ADCY5: variants seen among roughly 807,000 people sequenced by gnomAD.
The protein encoded by ADCY5 is adenylate cyclase type 5.
A neutral mutation model predicts 119.7 loss-of-function variants in ADCY5; 30 were observed. That is an observed-to-expected ratio of 0.25 (90% CI 0.19 to 0.34). ADCY5 has a LOEUF of 0.34. Among genes scored for constraint, ADCY5 ranks in the 10% least tolerant of loss-of-function variants. ADCY5 has a pLI of 1.00. For synonymous variants in ADCY5, 753 were observed against 762.2 expected (o/e 0.99, Z 0.20); for missense variants, 1,324 against 1,775.2 (o/e 0.75, Z 4.57).
intron 3 of ADCY5, among the ~76,000 whole-genome samples, chr3:123,346,607 T>TTC (rs72299981): frequency 0.019 from 2,449 of 128,098 alleles, 66 homozygotes; most frequent in East Asian, 0.13. Context: ...CAGCCTCACC[T>TTC]TCTCTCTCTC....
In ADCY5 at chr3:123,296,125, C is replaced by T; in HGVS notation, c.3022G>A (p.Val1008Met). ...VLALYLHAQQ[V>M]ESTARLDFLW... ...AAGTCGAGGCGGGCAGTGGACTCCA[C>T]CTGCTGGGCGTGCAGGTACAGGGCC... is the stretch of plus-strand genomic sequence containing the variant. The change falls in exon 17 of 21, where the codon GTG becomes ATG. Residue 1008 changes from valine to methionine, a missense_variant. Val to Met is a conservative substitution (Grantham distance 21). This residue lies in a region of ADCY5 where 14 missense variants were observed against 24.4 expected (regional missense o/e 0.57). Transcript: ENST00000462833. The T allele has an allele frequency of 6.2e-7, 1 of 1,614,106 alleles. No individual in the cohort carries two copies. Among genetic ancestry groups the T allele is most frequent in the Non-Finnish European group, 8.5e-7 (1 of 1,179,992 alleles).
chr3:123,426,444 C>T (rs1945415826), intron 1 of ADCY5, among the ~76,000 whole-genome samples: 1 of 152,028 alleles, frequency 6.6e-6, no homozygotes, highest in Non-Finnish European at 1.5e-5. Context: ...CTGCCTCAAC[C>T]TCCCGAGTAG....
chr3:123,393,557 T>TA lies in ADCY5; in HGVS notation c.1135-40977dup, dbSNP rs1214570795. 2.6e-5 allele frequency among the ~76,000 whole-genome samples: 3 copies of TA among 113,420 alleles called. No individual in the cohort carries two copies. The Admixed American group carries it at 2.7e-4, about 10-fold the overall frequency. The allele number at this position is 113,420 out of a possible 152,430, so 74.4% of individuals were successfully genotyped here. On this transcript the variant is annotated intron_variant, in intron 1 of 20. Transcript: ENST00000462833. ...GGGCAACAGAGTGAGACCCTGTTTC[T>TA]AAAAAATTAAAATAAAATAAAATAA...
At position 123,336,014 on chromosome 3, in the gene ADCY5, G is replaced by T. The variant is rs1483967052; in HGVS notation, c.1407-3339C>A. Among the ~76,000 whole-genome samples, 10 of 152,368 alleles carry T rather than the reference G, an allele frequency of 6.6e-5. No individual in the cohort carries two copies. In the East Asian group the frequency reaches 1.4e-3, roughly 21 times the overall value. On this transcript the variant is annotated intron_variant, in intron 3 of 20. Coordinates refer to ENST00000462833, the MANE Select transcript of ADCY5 (RefSeq NM_183357.3). Reference sequence around the variant, plus strand: ...CAGGCCCTATCCTGCCAGGCCAGGGGACTCAGGACAGCAGAGAGCTGCTCC... The same window carrying T: ...CAGGCCCTATCCTGCCAGGCCAGGGTACTCAGGACAGCAGAGAGCTGCTCC...
chr3:123,331,143 C>G, intron 4 of ADCY5, 127 bp from the exon 5 acceptor site: 1 of 1,023,822 alleles, frequency 9.8e-7, no homozygotes, highest in African/African-American at 1.6e-5. Context: ...TGAGCGCAGG[C>G]CCACGCCGGA....
intron 1 of ADCY5, among the ~76,000 whole-genome samples, chr3:123,381,937 T>C (rs759120927): frequency 1.3e-5 from 2 of 152,156 alleles, no homozygotes; most frequent in African/African-American, 2.4e-5. Context: ...AGCTCCCTTC[T>C]CACTCAAGGG....
At chr3:123,371,137 T>C (rs571670763) in intron 1 of ADCY5, among the ~76,000 whole-genome samples, 1 of 152,276 alleles carries the variant, frequency 6.6e-6, no homozygotes, top group South Asian at 2.1e-4. Context: ...AGCTCTGCAG[T>C]ATCTCAAGAA....
chr3:123,407,589 T>TAAAAA (rs35895488), intron 1 of ADCY5, among the ~76,000 whole-genome samples: 2 of 94,154 alleles, frequency 2.1e-5, no homozygotes, highest in South Asian at 4.4e-4. Context: ...CTATCTCTAC[T>TAAAAA]AAAAAAAAAA....
At chr3:123,329,007 C>G (rs1347658083) in intron 5 of ADCY5, among the ~76,000 whole-genome samples, 1 of 152,146 alleles carries the variant, frequency 6.6e-6, no homozygotes, top group Non-Finnish European at 1.5e-5. Flanking sequence ...GGGCTGTTCC[C>G]GGCCTGGCCA....
intron 12 of ADCY5, among the ~76,000 whole-genome samples, chr3:123,310,468 A>AGGCC (rs771264624): frequency 9.2e-5 from 14 of 152,158 alleles, no homozygotes; most frequent in Non-Finnish European, 1.8e-4. Context: ...AGCAAAGCAG[A>AGGCC]GGCCGGCCCA....
At chr3:123,295,930 C>T (rs763306831) in intron 17 of ADCY5, among the ~76,000 whole-genome samples, 154 bp downstream of exon 17, 2 of 152,198 alleles carry the variant, frequency 1.3e-5, no homozygotes, top group Non-Finnish European at 2.9e-5. Context: ...CACGGGGACA[C>T]AGGGCACCAA....
At chr3:123,433,082 C>G (rs556012432) in intron 1 of ADCY5, among the ~76,000 whole-genome samples, 1 of 152,356 alleles carries the variant, frequency 6.6e-6, no homozygotes, top group South Asian at 2.1e-4. Context: ...AGACAGCCAA[C>G]AGTCCAGTGG....
At chr3:123,372,010 G>A (rs1373848952) in intron 1 of ADCY5, among the ~76,000 whole-genome samples, 5 of 152,204 alleles carry the variant, frequency 3.3e-5, no homozygotes, top group African/African-American at 1.2e-4. Context: ...CTTCTGCTGG[G>A]CCATTATGCA....
At chr3:123,363,394 G>A (rs1943327421) in intron 1 of ADCY5, among the ~76,000 whole-genome samples, 1 of 152,120 alleles carries the variant, frequency 6.6e-6, no homozygotes, top group African/African-American at 2.4e-5. Flanking sequence ...TTATCAGTGG[G>A]AATGCAAATC....
chr3:123,317,222 C>T (rs1000337556), intron 11 of ADCY5, among the ~76,000 whole-genome samples: 1 of 152,168 alleles, frequency 6.6e-6, no homozygotes, highest in South Asian at 2.1e-4. Context: ...GTCGGAGACA[C>T]AGCCAGTCCT....
chr3:123,308,489 T>C (rs531680972), intron 12 of ADCY5, among the ~76,000 whole-genome samples: 234 of 152,302 alleles, frequency 1.5e-3, no homozygotes, highest in African/African-American at 5.4e-3. Context: ...AGAGAGTTCA[T>C]CTGTATGTCA....
chr3:123,417,815 G>T (rs1240027412), intron 1 of ADCY5, among the ~76,000 whole-genome samples: 1 of 152,124 alleles, frequency 6.6e-6, no homozygotes, highest in Non-Finnish European at 1.5e-5. Flanking sequence ...CTTCTTTCCA[G>T]CCCTGACATT....
chr3:123,436,951 C>T (rs1394879480), intron 1 of ADCY5, among the ~76,000 whole-genome samples: 2 of 152,094 alleles, frequency 1.3e-5, no homozygotes, highest in East Asian at 3.9e-4. Context: ...GGTTAGAATG[C>T]AGGCTTCTCC....
At chr3:123,439,713 A>G (rs11705774) in intron 1 of ADCY5, among the ~76,000 whole-genome samples, 150,851 of 152,310 alleles carry the variant, frequency 0.99, 74,723 homozygotes, top group Middle Eastern at 1. Flanking sequence ...CCTCCAAGGG[A>G]CACATTTAGT....
Sources: allele counts gnomAD v4.1 joint callset (sites outside exome capture counted in the v4.1 genomes callset), GRCh38; gene constraint gnomAD v4.1.1; regional missense constraint gnomAD v4.1.1; transcripts MANE v1.5; gene names NCBI Gene and HGNC (gene_info 2026-07-23, HGNC 2026-07-21).